The following OXSM variants were observed in gnomAD, a reference collection of about 807,000 sequenced individuals.
OXSM encodes 3-oxoacyl-[acyl-carrier-protein] synthase, mitochondrial.
A neutral mutation model predicts 29.2 loss-of-function variants in OXSM; 19 were observed. The observed-to-expected ratio is 0.65, with a 90% confidence interval of 0.45 to 0.96. The LOEUF (loss-of-function observed/expected upper bound fraction) is 0.96, where lower values mean the gene tolerates loss of function less well. OXSM is among the 40% of genes least tolerant of loss of function. The pLI is 0.00. For synonymous variants in OXSM, 178 were observed against 197.1 expected (o/e 0.90, Z 0.81); for missense variants, 554 against 551.3 (o/e 1.00, Z -0.05).
At chr3:25,792,044 T>C (rs1331253750) in intron 2 of OXSM, 47 bp downstream of exon 2, 3 of 1,512,012 alleles carry the variant, frequency 2.0e-6, no homozygotes, top group Non-Finnish European at 2.7e-6. Context: ...AATAAGACAC[T>C]TTATTGGGAA....
intron 1 of OXSM, chr3:25,790,660 A>T (rs1398915779): frequency 5.0e-6 from 1 of 201,744 alleles, no homozygotes; most frequent in East Asian, 1.3e-4. Context: ...AGAAGAAGTT[A>T]TCAGTAATCC....
In OXSM at chr3:25,791,141, C is replaced by T; in HGVS notation, c.121C>T (p.His41Tyr). 1.2e-6 allele frequency: 2 copies of T among 1,614,168 alleles called. No homozygotes were observed. Among genetic ancestry groups the T allele is most frequent in the South Asian group, 2.2e-5 (2 of 91,086 alleles). ...FFGTVPISRL[H>Y]RRVVITGIGL... ...CGGAACTGTGCCAATATCCAGATTG[C>T]ATAGGCGAGTTGTCATTACAGGCAT... Residue 41 changes from histidine to tyrosine, a missense_variant, in exon 2 of 3, where the codon CAT becomes TAT. Transcript: ENST00000280701.
Position 25,791,904 on chromosome 3 carries a change from G to A in OXSM, c.884G>A (p.Arg295Lys). Residue 295 changes from arginine (R) to lysine (K), a missense_variant, in exon 2 of 3, where the codon AGA becomes AAA. Physicochemically the swap from Arg to Lys is conservative, Grantham distance 26. Coordinates refer to ENST00000280701, the MANE Select transcript of OXSM (RefSeq NM_017897.3). ...LEEYEHAVQR[R>K]ARIYAEVLGY... is the part of the protein sequence containing the mutation. Reference sequence around the variant, plus strand: ...GAATATGAACATGCTGTTCAAAGAAGAGCCCGGATCTATGCAGAAGTTTTG... The same window carrying A: ...GAATATGAACATGCTGTTCAAAGAAAAGCCCGGATCTATGCAGAAGTTTTG... The A allele has an allele frequency of 6.2e-7, 1 of 1,606,464 alleles. No individual in the cohort carries two copies. Among genetic ancestry groups the A allele is most frequent in the African/African-American group, 1.3e-5 (1 of 75,054 alleles).
Position 25,791,145 on chromosome 3 carries a change from G to C in OXSM, c.125G>C (p.Arg42Thr). ...FGTVPISRLHRRVVITGIGLV... is the reference protein window; with the variant it reads ...FGTVPISRLHTRVVITGIGLV... ...ACTGTGCCAATATCCAGATTGCATA[G>C]GCGAGTTGTCATTACAGGCATTGGC... The change falls in exon 2 of 3, where the codon AGG becomes ACG. Residue 42 changes from arginine (R) to threonine (T), a missense_variant. Coordinates refer to ENST00000280701, the MANE Select transcript of OXSM (RefSeq NM_017897.3). 1.2e-6 allele frequency: 2 copies of C among 1,614,228 alleles called. No individual in the cohort carries two copies. The highest frequency in any genetic ancestry group is 1.7e-6 in the Non-Finnish European group (2 of 1,180,034).
At chr3:25,790,731 A>T in intron 1 of OXSM, 1 of 313,046 alleles carries the variant, frequency 3.2e-6, no homozygotes, top group South Asian at 6.5e-5. Flanking sequence ...TTTTTCATTG[A>T]ATTACTGTTT....
In OXSM at chr3:25,791,567, A is replaced by T; in HGVS notation, c.547A>T (p.Ile183Phe). The T allele has an allele frequency of 6.2e-7, 1 of 1,614,014 alleles. No individual in the cohort carries two copies. The highest frequency in any genetic ancestry group is 8.5e-7 in the Non-Finnish European group (1 of 1,179,966). Residue 183 changes from isoleucine to phenylalanine, a missense_variant, in exon 2 of 3, where the codon ATT becomes TTT. Ile to Phe is a conservative substitution (Grantham distance 21, BLOSUM62 0). Coordinates refer to ENST00000280701, the MANE Select transcript of OXSM (RefSeq NM_017897.3). Reference sequence around the variant, plus strand: ...AGTTAGCCCATTTTTTGTCCCTAAGATTCTGGTCAATATGGCAGCAGGCCA... The same window carrying T: ...AGTTAGCCCATTTTTTGTCCCTAAGTTTCTGGTCAATATGGCAGCAGGCCA... ...NKVSPFFVPK[I>F]LVNMAAGQVS... is the part of the protein sequence containing the mutation.
At chr3:25,790,410 C>T (rs1433414300) in intron 1 of OXSM, 3 of 162,778 alleles carry the variant, frequency 1.8e-5, no homozygotes, top group Admixed American at 1.8e-4. Context: ...ACCAATGATT[C>T]AATTGGAGAA....
chr3:25,791,240 GT>G lies in OXSM; in HGVS notation c.223del (p.Ser75HisfsTer54). ...DRLIGGESGI[V>X]SLVGEEYKSI... ...TCTTATCGGAGGAGAGAGTGGAATT[GT>G]TTCACTGGTTGGTGAAGAGTATAAG... On this transcript the variant is annotated frameshift_variant, in exon 2 of 3. Transcript: ENST00000280701. LOFTEE classifies it high-confidence loss of function. 1.2e-6 allele frequency: 2 copies of G among 1,614,208 alleles called. No homozygotes were observed. The highest frequency in any genetic ancestry group is 1.7e-6 in the Non-Finnish European group (2 of 1,180,018).
In OXSM at chr3:25,791,398, A is replaced by C. The variant is rs938055145; in HGVS notation, c.378A>C (p.Ala126=). ...SSPTIMAIGA[A]ELAMKDSGWH... ...CCACCATCATGGCCATTGGGGCTGCAGAATTAGCCATGAAGGATTCTGGCT... is the reference window on the plus strand; with the variant it reads ...CCACCATCATGGCCATTGGGGCTGCCGAATTAGCCATGAAGGATTCTGGCT... The change falls in exon 2 of 3, where the codon GCA becomes GCC. Residue 126 remains alanine (A), a synonymous_variant. Transcript: ENST00000280701. The C allele has an allele frequency of 6.2e-7, 1 of 1,614,106 alleles. No individual in the cohort carries two copies. The highest frequency in any genetic ancestry group is 8.5e-7 in the Non-Finnish European group (1 of 1,180,034).
intron 2 of OXSM, among the ~76,000 whole-genome samples, chr3:25,793,869 G>C (rs1708818041): frequency 1.3e-5 from 2 of 152,148 alleles, no homozygotes; most frequent in South Asian, 4.1e-4. Context: ...TTAACTCTTG[G>C]TGATGAACCA....
rs372644482 is a variant in OXSM at position 25,791,753 on chromosome 3, C to T, written c.733C>T (p.Leu245Phe). ...GTDSCISPLS[L>F]AGFSRARALS... ...AGATTCTTGTATTAGCCCTTTATCT[C>T]TTGCTGGGTTTTCCAGAGCCCGGGC... The change falls in exon 2 of 3, where the codon CTT (leucine) becomes TTT (phenylalanine). Residue 245 changes from leucine to phenylalanine, a missense_variant. Leu to Phe is a conservative substitution (Grantham distance 22). Transcript: ENST00000280701. 3 of 1,613,984 alleles carry T rather than the reference C, an allele frequency of 1.9e-6. No homozygotes were observed. In the African/African-American group the frequency reaches 4.0e-5, roughly 22 times the overall value.
Position 25,791,929 on chromosome 3 carries a change from G to C in OXSM, c.909G>C (p.Leu303Phe), listed in dbSNP as rs1412755019. The C allele has an allele frequency of 6.2e-7, 1 of 1,601,780 alleles. No individual in the cohort carries two copies. The highest frequency in any genetic ancestry group is 8.5e-7 in the Non-Finnish European group (1 of 1,179,900). ...GAGCCCGGATCTATGCAGAAGTTTT[G>C]GGCTATGGACTCTCAGGTGATGCTG... is the stretch of plus-strand genomic sequence containing the variant. ...QRRARIYAEV[L>F]GYGLSGDAGH... is the part of the protein sequence containing the mutation. The change falls in exon 2 of 3, where the codon TTG becomes TTC. Residue 303 changes from leucine (L) to phenylalanine (F), a missense_variant. Transcript: ENST00000280701.
chr3:25,792,700 G>A (rs978500272), intron 2 of OXSM, among the ~76,000 whole-genome samples: 7 of 152,026 alleles, frequency 4.6e-5, no homozygotes, highest in African/African-American at 1.7e-4. Flanking sequence ...CAGGCTGAGA[G>A]ATTCTGTAGT....
In OXSM at chr3:25,791,346, A is replaced by C. The variant is rs150811011; in HGVS notation, c.326A>C (p.Lys109Thr). The change falls in exon 2 of 3, where the codon AAA becomes ACA. Residue 109 changes from lysine (K) to threonine (T), a missense_variant. Coordinates refer to ENST00000280701, the MANE Select transcript of OXSM (RefSeq NM_017897.3). The stretch of plus-strand genomic sequence containing the variant: ...TTCAATGAACAAAACTTTGTGTCCA[A>C]ATCAGATATCAAGTCCATGTCTTCT... ...GQFNEQNFVS[K>T]SDIKSMSSPT... 5 of 1,614,166 alleles carry C rather than the reference A, an allele frequency of 3.1e-6. No individual in the cohort carries two copies. The highest frequency in any genetic ancestry group is 1.7e-5 in the Admixed American group (1 of 60,026).
intron 2 of OXSM, among the ~76,000 whole-genome samples, chr3:25,793,121 TG>T (rs1346838978): frequency 3.9e-5 from 6 of 152,064 alleles, no homozygotes; most frequent in African/African-American, 1.4e-4. Flanking sequence ...TTATTTTATT[TG>T]TTTTTGTTTG....
In OXSM at chr3:25,790,166, C is replaced by T. The variant is rs1024887800; in HGVS notation, c.-32+19C>T. On this transcript the variant is annotated intron_variant, in intron 1 of 2. Transcript: ENST00000280701. ...GTTACAGGTATCGCTGGCTACCCTC[C>T]TCCTTCGCCCCTCCTTTCCTCCTTT... The T allele has an allele frequency of 2.0e-6, 1 of 494,444 alleles. No individual in the cohort carries two copies. The highest frequency in any genetic ancestry group is 3.3e-5 in the East Asian group (1 of 30,544). 30.6% of individuals were successfully genotyped at this position (494,444 alleles called of 1,614,324 possible). A position where few individuals can be genotyped will look rare whatever the true frequency, so the allele number is the denominator to read the frequency against.
chr3:25,790,528 G>C (rs573313364), intron 1 of OXSM: 2 of 163,330 alleles, frequency 1.2e-5, no homozygotes, highest in Admixed American at 1.2e-4. Flanking sequence ...CTTGGCCCTG[G>C]GTAGCGTTTT....
chr3:25,793,288 C>T (rs561907753), intron 2 of OXSM, among the ~76,000 whole-genome samples: 5 of 152,068 alleles, frequency 3.3e-5, no homozygotes, highest in African/African-American at 9.6e-5. Flanking sequence ...GCTACCATGC[C>T]TGGCCTACTT....
intron 2 of OXSM, 42 bp downstream of exon 2, chr3:25,792,039 G>T: frequency 6.5e-7 from 1 of 1,542,988 alleles, no homozygotes; most frequent in South Asian, 1.2e-5. Flanking sequence ...CTTCAAATAA[G>T]ACACTTTATT....
Sources: gnomAD v4.1 joint callset for allele counts (sites outside exome capture counted in the v4.1 genomes callset) on GRCh38, gnomAD v4.1.1 for gene constraint, MANE v1.5 for transcripts, NCBI Gene and HGNC (gene_info 2026-07-23, HGNC 2026-07-21) for gene names.